Variants in ANXA8 observed in about 807,000 individuals in gnomAD.
ANXA8 encodes the protein VAC-beta.
Under a neutral mutation model 26.8 loss-of-function variants are expected in ANXA8, and 9 were observed. The observed-to-expected ratio is 0.34, with a 90% CI of 0.20 to 0.59. The LOEUF (loss-of-function observed/expected upper bound fraction) is 0.59, where lower values mean the gene tolerates loss of function less well. Among genes scored for constraint, ANXA8 ranks in the 20% least tolerant of loss-of-function variants. The pLI is 0.84. For synonymous variants in ANXA8, 39 were observed against 94.8 expected, an observed-to-expected ratio of 0.41 and a Z score of 3.42; for missense variants, 83 against 238.5, an observed-to-expected ratio of 0.35 and a Z score of 4.29.
At chr10:47,558,672 C>T in the ANXA8 span, among the ~76,000 whole-genome samples, 22 of 151,672 alleles carry the variant, frequency 1.5e-4, no homozygotes, top group African/African-American at 5.3e-4. Context: ...AGGCATGAGC[C>T]ACCATGCCTA....
chr10:47,493,629 A>G, the ANXA8 span, among the ~76,000 whole-genome samples: 3 of 150,920 alleles, frequency 2.0e-5, no homozygotes, highest in African/African-American at 7.4e-5. Context: ...GGAGCTCACC[A>G]GACCCAGACA....
chr10:47,577,341 C>T, the ANXA8 span, among the ~76,000 whole-genome samples: 1 of 147,320 alleles, frequency 6.8e-6, no homozygotes, highest in African/African-American at 2.6e-5. Context: ...CCACAACCAG[C>T]CTGGGCGACA....
At chr10:47,670,624 C>G in the ANXA8 span, among the ~76,000 whole-genome samples, 1 of 151,896 alleles carries the variant, frequency 6.6e-6, no homozygotes, top group Non-Finnish European at 1.5e-5. Flanking sequence ...TGACATTGAG[C>G]CTTTTTTCAT....
the ANXA8 span, among the ~76,000 whole-genome samples, chr10:47,698,740 G>A: frequency 6.6e-6 from 1 of 152,172 alleles, no homozygotes; most frequent in South Asian, 2.1e-4. Flanking sequence ...TACTGGGGAG[G>A]CTTAAGTGGG....
the ANXA8 span, among the ~76,000 whole-genome samples, chr10:47,767,620 C>T: frequency 6.6e-5 from 10 of 150,836 alleles, no homozygotes; most frequent in African/African-American, 1.7e-4. Flanking sequence ...CCTATTCTAG[C>T]GCTTTGTCCA....
upstream of ANXA8, among the ~76,000 whole-genome samples, chr10:47,488,971 T>A (rs1410725918): frequency 6.7e-6 from 1 of 148,854 alleles, no homozygotes; most frequent in Non-Finnish European, 1.5e-5. Context: ...CACCTCAGCC[T>A]CCCAAAGTGC....
At chr10:47,763,604 GC>G in the ANXA8 span, 1 of 347,926 alleles carries the variant, frequency 2.9e-6, no homozygotes, top group Non-Finnish European at 4.0e-6. Context: ...CAGGGCCCGT[GC>G]CCACTAGTCC....
At chr10:47,986,498 G>C in the ANXA8 span, 1 of 302,264 alleles carries the variant, frequency 3.3e-6, no homozygotes, top group Non-Finnish European at 6.5e-6. Flanking sequence ...TCCAAGGTGT[G>C]TCTTTTTCGT....
the ANXA8 span, chr10:47,710,227 G>A: frequency 1.3e-6 from 2 of 1,510,222 alleles, no homozygotes; most frequent in East Asian, 2.3e-5. Flanking sequence ...TTAGATTCCA[G>A]TGTAGTTAGT....
the ANXA8 span, among the ~76,000 whole-genome samples, chr10:47,974,266 A>G: frequency 6.8e-5 from 10 of 147,612 alleles, 1 homozygote; most frequent in South Asian, 2.2e-4. Flanking sequence ...GTCATTTCTG[A>G]CAGTACTTAT....
the ANXA8 span, among the ~76,000 whole-genome samples, chr10:47,684,270 C>G: frequency 6.1e-4 from 92 of 152,030 alleles, no homozygotes; most frequent in African/African-American, 2.1e-3. Context: ...TATTTTGTTT[C>G]CCCCTGCCCT....
the ANXA8 span, among the ~76,000 whole-genome samples, chr10:47,705,580 TC>T: frequency 2.1e-5 from 3 of 142,944 alleles, no homozygotes; most frequent in Non-Finnish European, 4.6e-5. Flanking sequence ...ATTCTATGAA[TC>T]CCCTAGAGAG....
In ANXA8 at chr10:47,483,974, G is replaced by T. The variant is rs1303929621; in HGVS notation, c.-41C>A. On this transcript the variant is annotated 5_prime_UTR_variant, in exon 1 of 12. Transcript: ENST00000585281. ...GGCACCTTTCCCAGGGAGATGAAGA[G>T]ACACAGGTTGGCCTCTGCTGGGACT... The T allele has an allele frequency of 4.5e-5, 72 of 1,611,572 alleles. No individual in the cohort carries two copies. In the Admixed American group the frequency reaches 1.2e-3, roughly 26 times the overall value.
the ANXA8 span, among the ~76,000 whole-genome samples, chr10:47,716,476 AATATGTT>A: frequency 8.0e-6 from 1 of 125,690 alleles, no homozygotes; most frequent in African/African-American, 3.5e-5. Context: ...TATATGTGTA[AATATGTT>A]TTCCAATATA....
At chr10:47,490,583 G>A in the ANXA8 span, among the ~76,000 whole-genome samples, 6 of 151,616 alleles carry the variant, frequency 4.0e-5, no homozygotes, top group Non-Finnish European at 2.9e-5. Context: ...TGAGAGAATG[G>A]CAGTGCTAGA....
At chr10:47,607,447 C>T in the ANXA8 span, among the ~76,000 whole-genome samples, 1 of 150,360 alleles carries the variant, frequency 6.7e-6, no homozygotes, top group Non-Finnish European at 1.5e-5. Context: ...AAATTTGTAC[C>T]GTAAGTAAAA....
the ANXA8 span, among the ~76,000 whole-genome samples, chr10:47,739,018 T>C: frequency 6.6e-6 from 1 of 150,882 alleles, no homozygotes; most frequent in Non-Finnish European, 1.5e-5. Context: ...CTCATTTTGC[T>C]CTTCTCCAGA....
chr10:47,956,713 G>A, the ANXA8 span, among the ~76,000 whole-genome samples: 1 of 150,536 alleles, frequency 6.6e-6, no homozygotes, highest in East Asian at 2.0e-4. Flanking sequence ...ATCACTGTAG[G>A]GTAGGGCTTC....
At chr10:47,533,223 A>C in the ANXA8 span, among the ~76,000 whole-genome samples, 1,124 of 139,148 alleles carry the variant, frequency 8.1e-3, 30 homozygotes, top group African/African-American at 0.027. Flanking sequence ...ACACACACAC[A>C]CCCCCGCAGA....
Sources: allele counts gnomAD v4.1 joint callset (sites outside exome capture counted in the v4.1 genomes callset), GRCh38; gene constraint gnomAD v4.1.1; transcripts MANE v1.5; gene names NCBI Gene and HGNC (gene_info 2026-07-23, HGNC 2026-07-21).